Variants in PDCD11 observed in about 807,000 individuals in gnomAD.
PDCD11 encodes the protein protein RRP5 homolog.
In PDCD11, 97 loss-of-function variants were observed where a neutral mutation model predicts 198.9. The ratio of observed to expected loss-of-function variants is 0.49; its 90% CI spans 0.41 to 0.58. The LOEUF is 0.58. PDCD11 is among the 20% of genes least tolerant of loss of function. PDCD11 has a pLI of 0.00. For synonymous variants in PDCD11, 893 were observed against 918.0 expected (o/e 0.97, Z 0.49); for missense variants, 2,102 against 2,312.7 (o/e 0.91, Z 1.87).
chr10:103,413,911 C>CA, intron 9 of PDCD11, 55 bp from the exon 10 acceptor site: 1 of 1,530,456 alleles, frequency 6.5e-7, no homozygotes. Context: ...TGTAAGGTCT[C>CA]ATTGGCTCAG....
At chr10:103,424,221 T>G (rs779853535) in intron 19 of PDCD11, among the ~76,000 whole-genome samples, 35 of 152,304 alleles carry the variant, frequency 2.3e-4, no homozygotes, top group Non-Finnish European at 4.4e-4. Context: ...CTGGACACTT[T>G]TGTGTGACAT....
chr10:103,414,584 G>T (rs1284462789), intron 11 of PDCD11, among the ~76,000 whole-genome samples: 1 of 152,198 alleles, frequency 6.6e-6, no homozygotes, highest in Non-Finnish European at 1.5e-5. Context: ...ATTTGATGGT[G>T]GTTAGTAGAC....
rs914314347 is a variant in PDCD11 at position 103,432,109 on chromosome 10, C to T, written c.3369-20C>T. On this transcript the variant is annotated intron_variant, in intron 21 of 35. Coordinates refer to ENST00000369797, the MANE Select transcript of PDCD11 (RefSeq NM_014976.2). ...TATCCAGAGATGGGTTTACTGTTTA[C>T]ATTTCCTTTCTGCAAACAGTGAGCT... 2 of 1,578,588 alleles carry T rather than the reference C, an allele frequency of 1.3e-6. No individual in the cohort carries two copies. The highest frequency in any genetic ancestry group is 1.7e-6 in the Non-Finnish European group (2 of 1,147,698).
intron 26 of PDCD11, 115 bp downstream of exon 26, chr10:103,438,186 T>C: frequency 2.5e-6 from 2 of 795,010 alleles, no homozygotes; most frequent in Non-Finnish European, 4.4e-6. Context: ...CTCATCACTT[T>C]TTATCCTGAA....
Position 103,415,109 on chromosome 10 carries a change from T to C in PDCD11, c.1476T>C (p.Asn492=), listed in dbSNP as rs1454706898. Residue 492 remains asparagine (N), a synonymous_variant, in exon 12 of 36, where the codon AAT becomes AAC. Transcript: ENST00000369797. ...PMHLADILMK[N]PEKKYHIGDE... ...ACCTGGCTGACATCCTGATGAAGAA[T>C]CCGGAGAAGAAGTACCACATCGGGG... 6 of 1,614,084 alleles carry C rather than the reference T, an allele frequency of 3.7e-6. No homozygotes were observed. The highest frequency in any genetic ancestry group is 5.1e-6 in the Non-Finnish European group (6 of 1,180,018).
rs771129249 is a variant in PDCD11, at chr10:103,425,466, G to A, written c.3246G>A (p.Leu1082=). 6.2e-7 allele frequency: 1 copy of A among 1,613,940 alleles called. No individual in the cohort carries two copies. The highest frequency in any genetic ancestry group is 1.1e-5 in the South Asian group (1 of 91,080). The change falls in exon 20 of 36, where the codon CTG becomes CTA. Residue 1082 remains leucine, a synonymous_variant. Coordinates refer to ENST00000369797, the MANE Select transcript of PDCD11 (RefSeq NM_014976.2). ...AGGGCACCTCTCCTACTACCAAGCT[G>A]AAGGTTGGGAAGACGGTCACTGCCC... ...VPEGTSPTTK[L]KVGKTVTARV... is the part of the protein sequence containing the mutation.
intron 2 of PDCD11, among the ~76,000 whole-genome samples, chr10:103,399,284 A>G (rs958752312): frequency 1.3e-5 from 2 of 152,076 alleles, no homozygotes; most frequent in African/African-American, 4.8e-5. Flanking sequence ...TCCTGACCTC[A>G]GATGATCTGC....
intron 25 of PDCD11, among the ~76,000 whole-genome samples, chr10:103,435,863 C>G (rs1235798439): frequency 6.6e-6 from 1 of 152,018 alleles, no homozygotes; most frequent in Non-Finnish European, 1.5e-5. Context: ...AAATAAATTC[C>G]TAGAAGTGAA....
chr10:103,419,040 C>T (rs2133706810), intron 15 of PDCD11, among the ~76,000 whole-genome samples: 1 of 151,820 alleles, frequency 6.6e-6, no homozygotes, highest in Middle Eastern at 3.4e-3. Context: ...CAGGAATATT[C>T]CCTTTGGTCT....
At position 103,440,823 on chromosome 10, in the gene PDCD11, G is replaced by A. The variant is rs771582614; in HGVS notation, c.4530G>A (p.Glu1510=). Residue 1510 remains glutamate (E), a synonymous_variant, in exon 30 of 36, where the codon GAG becomes GAA. Coordinates refer to ENST00000369797, the MANE Select transcript of PDCD11 (RefSeq NM_014976.2). The stretch of plus-strand genomic sequence containing the variant: ...TGTACTATCGGGAGGGAAAAGAGGA[G>A]GCAGAAGAGACGAATGTGCTGCCCA... ...VDVYYREGKE[E]AEETNVLPKE... is the part of the protein sequence containing the mutation. The A allele has an allele frequency of 1.2e-6, 2 of 1,613,226 alleles. No individual in the cohort carries two copies. Among genetic ancestry groups the A allele is most frequent in the African/African-American group, 2.7e-5 (2 of 74,906 alleles).
Position 103,417,890 on chromosome 10 carries a change from A to T in PDCD11, c.1869A>T (p.Ala623=). The T allele has an allele frequency of 6.2e-7, 1 of 1,614,224 alleles. No homozygotes were observed. The part of the protein sequence containing the change: ...SSDPEPKKEP[A]GHSQKKGKAI... ...ATCCAGAGCCAAAGAAAGAGCCTGC[A>T]GGACACAGTCAGAAGAAAGGAAAAG... is the stretch of plus-strand genomic sequence containing the variant. The change falls in exon 14 of 36, where the codon GCA becomes GCT. Residue 623 remains alanine (A), a synonymous_variant. Coordinates refer to ENST00000369797, the MANE Select transcript of PDCD11 (RefSeq NM_014976.2).
intron 22 of PDCD11, 40 bp from the exon 23 acceptor site, chr10:103,433,908 A>G (rs1236220940): frequency 8.2e-6 from 12 of 1,463,338 alleles, no homozygotes; most frequent in Admixed American, 1.7e-5. Context: ...GAAACCTTGT[A>G]TTTGTATTTG....
In PDCD11 at chr10:103,406,666, A is replaced by G. The variant is rs758488068; in HGVS notation, c.746A>G (p.Asn249Ser). The G allele has an allele frequency of 1.9e-6, 3 of 1,614,192 alleles. No homozygotes were observed. The highest frequency in any genetic ancestry group is 2.2e-5 in the East Asian group (1 of 44,886). Residue 249 changes from asparagine to serine, a missense_variant, in exon 7 of 36, where the codon AAC becomes AGC. Transcript: ENST00000369797. ...LNCIVEKVKG[N>S]GGVVSLSVGH... is the part of the protein sequence containing the mutation. ...TGCATTGTTGAAAAGGTGAAAGGCA[A>G]CGGAGGAGTTGTTAGTCTGTCTGTT...
chr10:103,416,662 A>T lies in PDCD11; in HGVS notation c.1690A>T (p.Asn564Tyr). 6.2e-7 allele frequency: 1 copy of T among 1,614,252 alleles called. No homozygotes were observed. Among genetic ancestry groups the T allele is most frequent in the Non-Finnish European group, 8.5e-7 (1 of 1,180,046 alleles). The change falls in exon 13 of 36, where the codon AAT becomes TAT. Residue 564 changes from asparagine to tyrosine, a missense_variant. Coordinates refer to ENST00000369797, the MANE Select transcript of PDCD11 (RefSeq NM_014976.2). ...TGGCTGCATTGTGAAGTTCTACAAC[A>T]ATGTGCAGGGACTGGTGCCCAAGCA... ...DYGCIVKFYN[N>Y]VQGLVPKHEL...
rs1185777324 is a variant in PDCD11, at chr10:103,406,600, G to A, written c.689-9G>A. On this transcript the variant is annotated splice_polypyrimidine_tract_variant and intron_variant, in intron 6 of 35. Coordinates refer to ENST00000369797, the MANE Select transcript of PDCD11 (RefSeq NM_014976.2). ...TTTTTCCTTTTGGGGCCTGGGTCTG[G>A]GCTTACAGGTGCTAAACTAAAGGTG... 1.9e-6 allele frequency: 3 copies of A among 1,612,782 alleles called. No homozygotes were observed. The highest frequency in any genetic ancestry group is 2.5e-6 in the Non-Finnish European group (3 of 1,179,492).
chr10:103,441,061 G>T (rs1239495409), intron 30 of PDCD11, among the ~76,000 whole-genome samples: 4 of 152,160 alleles, frequency 2.6e-5, no homozygotes, highest in Non-Finnish European at 5.9e-5. Flanking sequence ...TATTTATTGG[G>T]TGGAACTGAA....
At chr10:103,420,697 A>T (rs1330150717) in intron 16 of PDCD11, among the ~76,000 whole-genome samples, 2 of 152,100 alleles carry the variant, frequency 1.3e-5, no homozygotes, top group African/African-American at 4.8e-5. Context: ...GAAACATTTT[A>T]AAAATGGGAG....
At chr10:103,419,772 G>C (rs2031320244) in intron 16 of PDCD11, 64 bp downstream of exon 16, 2 of 1,461,320 alleles carry the variant, frequency 1.4e-6, no homozygotes, top group Admixed American at 3.7e-5. Context: ...CCTGAGGGCG[G>C]GTAGGGAGGA....
intron 35 of PDCD11, among the ~76,000 whole-genome samples, chr10:103,445,057 C>A (rs1354800088): frequency 6.6e-6 from 1 of 152,176 alleles, no homozygotes; most frequent in East Asian, 1.9e-4. Flanking sequence ...GGTGCCTCAC[C>A]CAAGCCCTTC....
Sources: gnomAD v4.1 joint callset for allele counts (sites outside exome capture counted in the v4.1 genomes callset) on GRCh38, gnomAD v4.1.1 for gene constraint, MANE v1.5 for transcripts, NCBI Gene and HGNC (gene_info 2026-07-23, HGNC 2026-07-21) for gene names.